GRAMD1B: variants seen among roughly 807,000 people sequenced by gnomAD.
GRAMD1B encodes GRAM domain containing 1B.
Under a neutral mutation model 99.7 loss-of-function variants are expected in GRAMD1B, and 37 were observed. That is an observed-to-expected ratio of 0.37 (90% CI 0.29 to 0.49). GRAMD1B has a LOEUF of 0.49. GRAMD1B is among the 20% of genes least tolerant of loss of function. The pLI is 0.98. For synonymous variants in GRAMD1B, 427 were observed against 387.6 expected (o/e 1.10, Z -1.19); for missense variants, 888 against 1,009.2 (o/e 0.88, Z 1.63).
At chr11:123,493,127 CG>C (rs1565297584) in intron 2 of GRAMD1B, among the ~76,000 whole-genome samples, 1 of 152,138 alleles carries the variant, frequency 6.6e-6, no homozygotes, top group Non-Finnish European at 1.5e-5. Context: ...GTAATGGCTG[CG>C]GGGAACTCAG....
At chr11:123,530,686 ATTCT>A (rs1198714370) in intron 2 of GRAMD1B, among the ~76,000 whole-genome samples, 2 of 152,092 alleles carry the variant, frequency 1.3e-5, no homozygotes, top group Non-Finnish European at 2.9e-5. Context: ...CAGCCTCAAG[ATTCT>A]TTCTGTAAGA....
intron 1 of GRAMD1B, among the ~76,000 whole-genome samples, chr11:123,393,664 C>G (rs1007535460): frequency 1.3e-5 from 2 of 152,198 alleles, no homozygotes; most frequent in Non-Finnish European, 2.9e-5. Flanking sequence ...ATTGAGAAAG[C>G]CACGGTGGTT....
rs1380306007 is a variant in GRAMD1B, at chr11:123,609,823, G to A, written c.1686G>A (p.Glu562=). ...SDIIFHPWKK[E]ENGNQSRVIL... ...TCATCTTCCATCCATGGAAAAAGGA[G>A]GAGAATGGAAACCAGAGCCGAGTGA... The change falls in exon 13 of 20, where the codon GAG becomes GAA. Residue 562 remains glutamate (E), a synonymous_variant. Transcript: ENST00000635736. 5 of 1,600,622 alleles carry A rather than the reference G, an allele frequency of 3.1e-6. No homozygotes were observed. The highest frequency in any genetic ancestry group is 4.3e-6 in the Non-Finnish European group (5 of 1,172,180).
chr11:123,505,581 A>C (rs942486052), intron 2 of GRAMD1B, among the ~76,000 whole-genome samples: 1 of 152,238 alleles, frequency 6.6e-6, no homozygotes, highest in African/African-American at 2.4e-5. Flanking sequence ...TCTTTGTAAC[A>C]GCCTATGACT....
intron 7 of GRAMD1B, chr11:123,598,490 AG>A: frequency 8.3e-7 from 1 of 1,202,690 alleles, no homozygotes; most frequent in South Asian, 1.2e-5. Context: ...CTTCTAGAAA[AG>A]CAATGTCTTT....
chr11:123,528,448 T>C (rs1334291975), intron 2 of GRAMD1B, among the ~76,000 whole-genome samples: 3 of 152,242 alleles, frequency 2.0e-5, no homozygotes, highest in African/African-American at 7.2e-5. Flanking sequence ...TGAAACTATG[T>C]ATCAAGCACC....
intron 1 of GRAMD1B, among the ~76,000 whole-genome samples, chr11:123,375,512 A>C (rs1946664392): frequency 6.6e-6 from 1 of 152,256 alleles, no homozygotes; most frequent in South Asian, 2.1e-4. Flanking sequence ...ACAAAAAAGC[A>C]TAAGTTACTT....
At chr11:123,529,592 A>G (rs1055776622) in intron 2 of GRAMD1B, among the ~76,000 whole-genome samples, 1 of 152,186 alleles carries the variant, frequency 6.6e-6, no homozygotes, top group Non-Finnish European at 1.5e-5. Flanking sequence ...AGGAGGTGGC[A>G]TTGACAAACA....
At chr11:123,439,232 G>T (rs1407632627) in intron 1 of GRAMD1B, among the ~76,000 whole-genome samples, 1 of 152,116 alleles carries the variant, frequency 6.6e-6, no homozygotes, top group East Asian at 1.9e-4. Context: ...AGAACAGAAA[G>T]CTTCTCTCAG....
Position 123,577,549 on chromosome 11 carries a change from C to A in GRAMD1B, c.635C>A (p.Ser212Tyr). Reference protein sequence around the residue: ...QGVQRSCSSQSGRSGGKNSKK... With the variant: ...QGVQRSCSSQYGRSGGKNSKK... ...GTGCAGCGCAGCTGCTCCTCCCAGT[C>A]CGGCCGGAGCGGCGGCAAGAATTCC... The change falls in exon 3 of 20, where the codon TCC becomes TAC. Residue 212 changes from serine (S) to tyrosine (Y), a missense_variant. By Grantham distance (144) the Ser-to-Tyr change is moderately radical. Around this residue, in one of 5 missense-constraint regions of GRAMD1B, gnomAD observed 62 missense variants for 139.4 expected, o/e 0.44. Transcript: ENST00000635736. 1.9e-6 allele frequency: 3 copies of A among 1,592,900 alleles called. No individual in the cohort carries two copies. The highest frequency in any genetic ancestry group is 1.7e-5 in the Admixed American group (1 of 57,730).
Position 123,625,967 on chromosome 11 carries a change from A to AGAGAGAGAGAGAGAGATC in GRAMD1B, c.*3386_*3387insGATCGAGAGAGAGAGAGA, listed in dbSNP as rs1565487832. ...GAGAGAGAGAGAGAGAGAGAGAGAG[A>AGAGAGAGAGAGAGAGATC]GAGAGAGAGAGAGATCGAGCTTGAT... is the stretch of plus-strand genomic sequence containing the variant. On this transcript the variant is annotated 3_prime_UTR_variant, in exon 20 of 20. Transcript: ENST00000635736. 9 of 147,994 alleles carry AGAGAGAGAGAGAGAGATC rather than the reference A, an allele frequency of 6.1e-5. No homozygotes were observed. Among genetic ancestry groups the AGAGAGAGAGAGAGAGATC allele is most frequent in the African/African-American group, 9.7e-5 (4 of 41,076 alleles). 9.2% of individuals were successfully genotyped at this position (147,994 alleles called of 1,614,324 possible). A position where few individuals can be genotyped will look rare whatever the true frequency, so the allele number is the denominator to read the frequency against.
At chr11:123,600,356 T>G in intron 7 of GRAMD1B, 112 bp from the exon 8 acceptor site, 1 of 660,550 alleles carries the variant, frequency 1.5e-6, no homozygotes, top group Non-Finnish European at 2.6e-6. Context: ...CTGAGAGTCA[T>G]TAGTGTTTGA....
rs141367200 is a variant in GRAMD1B, at chr11:123,619,268, G to A, written c.2544+44G>A. 53 of 1,546,942 alleles carry A rather than the reference G, an allele frequency of 3.4e-5. No individual in the cohort carries two copies. The East Asian group carries it at 8.3e-4, about 24-fold the overall frequency. On this transcript the variant is annotated intron_variant, in intron 19 of 19. Coordinates refer to ENST00000635736, the MANE Select transcript of GRAMD1B (RefSeq NM_001387025.1). ...TCTGCTTGCCCTGGTCTTTGGGAGC[G>A]GGGACTCCTTCCCTTATGCTGTGAG...
intron 1 of GRAMD1B, among the ~76,000 whole-genome samples, chr11:123,383,237 A>C (rs1946945960): frequency 1.4e-5 from 2 of 141,728 alleles, no homozygotes; most frequent in Admixed American, 7.1e-5. Context: ...TCTCTCTCTC[A>C]TTTCACCTAT....
At chr11:123,427,059 G>A (rs924237169), upstream of GRAMD1B, among the ~76,000 whole-genome samples, 20 of 152,210 alleles carry the variant, frequency 1.3e-4, 1 homozygote, top group Non-Finnish European at 2.9e-5. Context: ...GGGAAGCGGG[G>A]AATGGGGGCA....
rs548820228 is a variant in GRAMD1B, at chr11:123,608,559, C to T, written c.1514-100C>T. ...CCTCTCCATACCCTTGTTGACTGTG[C>T]TCATATTAGCCAGAGACCTAAGTGC... On this transcript the variant is annotated intron_variant, in intron 11 of 19. Coordinates refer to ENST00000635736, the MANE Select transcript of GRAMD1B (RefSeq NM_001387025.1). 7,579 of 1,547,846 alleles carry T rather than the reference C, an allele frequency of 4.9e-3. 27 individuals are homozygous for T. Among genetic ancestry groups the T allele is most frequent in the Non-Finnish European group, 5.5e-3 (6,271 of 1,146,694 alleles).
chr11:123,496,258 C>T (rs547509524), intron 2 of GRAMD1B, among the ~76,000 whole-genome samples: 47 of 150,650 alleles, frequency 3.1e-4, no homozygotes, highest in Non-Finnish European at 5.6e-4. Context: ...TTTTTTTTTT[C>T]CTTCGGCACT....
At chr11:123,472,420 C>T (rs1232795971) in intron 1 of GRAMD1B, among the ~76,000 whole-genome samples, 5 of 152,090 alleles carry the variant, frequency 3.3e-5, no homozygotes, top group East Asian at 1.9e-4. Flanking sequence ...TTGGCTCAAG[C>T]GTTCCTCCCA....
rs1037448763 is a variant in GRAMD1B at position 123,551,334 on chromosome 11, G to A, written c.453-26033G>A. Among the ~76,000 whole-genome samples, 3 of 152,190 alleles carry A rather than the reference G, an allele frequency of 2.0e-5. No homozygotes were observed. The East Asian group carries it at 5.8e-4, about 29-fold the overall frequency. On this transcript the variant is annotated intron_variant, in intron 2 of 19. Coordinates refer to ENST00000635736, the MANE Select transcript of GRAMD1B (RefSeq NM_001387025.1). Reference sequence around the variant, plus strand: ...TCAGCAGCTATTACTCCAGGCAGCTGGGGAGATGAGTACTTCATTCTGGAA... The same window carrying A: ...TCAGCAGCTATTACTCCAGGCAGCTAGGGAGATGAGTACTTCATTCTGGAA...
Sources: allele counts gnomAD v4.1 joint callset (sites outside exome capture counted in the v4.1 genomes callset), GRCh38; gene constraint gnomAD v4.1.1; regional missense constraint gnomAD v4.1.1; transcripts MANE v1.5; gene names NCBI Gene and HGNC (gene_info 2026-07-23, HGNC 2026-07-21).